NRXN1: variants seen among roughly 807,000 people sequenced by gnomAD.
NRXN1 encodes neurexin-1.
NRXN1 carries 39 observed loss-of-function variants against 150.9 expected under a neutral mutation model. That is an observed-to-expected ratio of 0.26 (90% CI 0.20 to 0.34). The LOEUF (loss-of-function observed/expected upper bound fraction) is 0.34. Ranked by LOEUF, NRXN1 falls within the 10% of genes least tolerant of loss-of-function variation. The pLI is 1.00. For synonymous variants in NRXN1, 924 were observed against 757.0 expected, an observed-to-expected ratio of 1.22 and a Z score of -3.62; for missense variants, 1,815 against 1,949.9, an observed-to-expected ratio of 0.93 and a Z score of 1.30.
chr2:50,725,104 C>G (rs534375300), intron 5 of NRXN1, among the ~76,000 whole-genome samples: 64 of 151,318 alleles, frequency 4.2e-4, no homozygotes, highest in African/African-American at 1.4e-3. Flanking sequence ...AAATACAAAG[C>G]CACCATGTGT....
intron 5 of NRXN1, among the ~76,000 whole-genome samples, chr2:50,669,051 G>A (rs906445925): frequency 6.6e-6 from 1 of 151,902 alleles, no homozygotes; most frequent in African/African-American, 2.4e-5. Context: ...AATCTACGCA[G>A]GAGAAATGGG....
intron 17 of NRXN1, among the ~76,000 whole-genome samples, chr2:50,455,901 C>G (rs2087510272): frequency 6.6e-6 from 1 of 152,174 alleles, no homozygotes; most frequent in African/African-American, 2.4e-5. Context: ...CTGCTTCTAC[C>G]TAGAACTCTT....
chr2:50,640,241 T>C (rs966856674), intron 5 of NRXN1, among the ~76,000 whole-genome samples: 3 of 152,146 alleles, frequency 2.0e-5, no homozygotes, highest in Admixed American at 6.6e-5. Context: ...GATTCTAATA[T>C]GTGGAAATGG....
At chr2:50,848,091 G>A (rs902108216) in intron 5 of NRXN1, among the ~76,000 whole-genome samples, 38 of 152,134 alleles carry the variant, frequency 2.5e-4, no homozygotes, top group African/African-American at 8.7e-4. Flanking sequence ...AGAGCATCAT[G>A]TAACACACGC....
chr2:50,855,192 T>G (rs1392951691), intron 5 of NRXN1, among the ~76,000 whole-genome samples: 2 of 151,946 alleles, frequency 1.3e-5, no homozygotes, highest in African/African-American at 4.8e-5. Context: ...TATTACTTCA[T>G]TCAGTCATTT....
In NRXN1 at chr2:51,022,070, T is replaced by C. The variant is rs981784399; in HGVS notation, c.772+5432A>G. On this transcript the variant is annotated intron_variant, in intron 2 of 22. Transcript: ENST00000401669. Reference sequence around the variant, plus strand: ...ACTGAAACTTTAGGCAGGTAATGGATCATTATTATACTAAAATTCCTTTTA... The same window carrying C: ...ACTGAAACTTTAGGCAGGTAATGGACCATTATTATACTAAAATTCCTTTTA... 7.2e-5 allele frequency among the ~76,000 whole-genome samples: 11 copies of C among 152,110 alleles called. No individual in the cohort carries two copies. In the East Asian group the frequency reaches 1.7e-3, roughly 24 times the overall value.
chr2:50,074,709 T>G (rs1169233275), intron 19 of NRXN1, among the ~76,000 whole-genome samples: 1 of 152,098 alleles, frequency 6.6e-6, no homozygotes, highest in Non-Finnish European at 1.5e-5. Flanking sequence ...TAGAACAGAG[T>G]CTAAAAGTTA....
At chr2:50,727,142 A>G (rs943317082) in intron 5 of NRXN1, among the ~76,000 whole-genome samples, 2 of 152,178 alleles carry the variant, frequency 1.3e-5, no homozygotes, top group African/African-American at 2.4e-5. Context: ...ATTATCAAGT[A>G]TCTTTTAAAA....
chr2:50,971,849 T>C (rs533497866), intron 2 of NRXN1, among the ~76,000 whole-genome samples: 2 of 152,254 alleles, frequency 1.3e-5, no homozygotes, highest in South Asian at 4.1e-4. Context: ...ACAGGACAAT[T>C]ATTCCTCTCT....
intron 9 of NRXN1, among the ~76,000 whole-genome samples, chr2:50,550,869 G>T (rs1337105553): frequency 1.3e-5 from 2 of 151,690 alleles, no homozygotes; most frequent in African/African-American, 4.8e-5. Flanking sequence ...TTTTAGTAGA[G>T]ACGGGGTTTC....
At chr2:49,961,398 C>T (rs1675937623) in intron 21 of NRXN1, among the ~76,000 whole-genome samples, 1 of 151,910 alleles carries the variant, frequency 6.6e-6, no homozygotes, top group African/African-American at 2.4e-5. Flanking sequence ...TGTTGACGTA[C>T]TTCAAAACTG....
chr2:50,679,613 C>A (rs1285976369), intron 5 of NRXN1, among the ~76,000 whole-genome samples: 2 of 151,784 alleles, frequency 1.3e-5, no homozygotes, highest in East Asian at 3.9e-4. Context: ...TAAGACCCTG[C>A]AAAATAAATT....
chr2:50,951,175 C>T (rs1291262314), intron 2 of NRXN1, among the ~76,000 whole-genome samples: 1 of 151,988 alleles, frequency 6.6e-6, no homozygotes, highest in African/African-American at 2.4e-5. Context: ...TGGAGATGTG[C>T]CTTGGGGGCA....
chr2:50,480,971 C>T (rs1202913067), intron 15 of NRXN1, among the ~76,000 whole-genome samples: 3 of 152,108 alleles, frequency 2.0e-5, no homozygotes, highest in Admixed American at 2.0e-4. Context: ...GTTAAGTATC[C>T]TTAACTTGAC....
rs1476522786 is a variant in NRXN1, at chr2:50,531,981, G to A, written c.2144-551C>T. Among the ~76,000 whole-genome samples, 3 of 151,998 alleles carry A rather than the reference G, an allele frequency of 2.0e-5. 1 individual carries two copies. The highest frequency in any genetic ancestry group is 2.0e-4 in the Admixed American group (3 of 15,264). On this transcript the variant is annotated intron_variant, in intron 10 of 22. Transcript: ENST00000401669. ...CCACCTCAACCTCCTGAGTAGCTGG[G>A]ACCACAGGCGCATGACACCATGCCA...
Position 50,529,913 on chromosome 2 carries a change from A to C in NRXN1, c.2348-1262T>G, listed in dbSNP as rs1020699858. ...TTAATTTCACTAATATTAATTAAATATGATTATATGCAATAAGATACCAAT... is the reference window on the plus strand; with the variant it reads ...TTAATTTCACTAATATTAATTAAATCTGATTATATGCAATAAGATACCAAT... On this transcript the variant is annotated intron_variant, in intron 11 of 22. Coordinates refer to ENST00000401669, the MANE Select transcript of NRXN1 (RefSeq NM_001330078.2). 3.3e-5 allele frequency among the ~76,000 whole-genome samples: 5 copies of C among 152,218 alleles called. No homozygotes were observed. In the South Asian group the frequency reaches 1.0e-3, roughly 31 times the overall value.
intron 17 of NRXN1, among the ~76,000 whole-genome samples, chr2:50,327,035 C>T (rs1038817076): frequency 1.3e-5 from 2 of 152,192 alleles, no homozygotes; most frequent in African/African-American, 4.8e-5. Flanking sequence ...AATCCTGTTT[C>T]CTAGCCTTTC....
At chr2:50,749,809 A>G (rs1303365159) in intron 5 of NRXN1, among the ~76,000 whole-genome samples, 1 of 152,084 alleles carries the variant, frequency 6.6e-6, no homozygotes, top group African/African-American at 2.4e-5. Flanking sequence ...TGAAATTCAG[A>G]AAGGGTAAAT....
chr2:50,411,051 CGTCCCT>C (rs1667090970), intron 17 of NRXN1, among the ~76,000 whole-genome samples: 1 of 151,810 alleles, frequency 6.6e-6, no homozygotes, highest in South Asian at 2.1e-4. Context: ...TCCCCCTCCC[CGTCCCT>C]CTCCCTCTCC....
Sources: allele counts gnomAD v4.1 joint callset (sites outside exome capture counted in the v4.1 genomes callset), GRCh38; gene constraint gnomAD v4.1.1; transcripts MANE v1.5; gene names NCBI Gene and HGNC (gene_info 2026-07-23, HGNC 2026-07-21).